Variants in USP31 observed in about 807,000 individuals in gnomAD.
USP31 encodes the protein ubiquitin specific peptidase 31.
A neutral mutation model predicts 119.4 loss-of-function variants in USP31; 44 were observed. The ratio of observed to expected loss-of-function variants is 0.37; its 90% CI spans 0.29 to 0.47. The LOEUF is 0.47. USP31 is among the 20% of genes least tolerant of loss of function. The pLI, the probability that USP31 is intolerant of heterozygous loss-of-function variation, is 0.99. For synonymous variants in USP31, 749 were observed against 705.6 expected (o/e 1.06, Z -0.97); for missense variants, 1,643 against 1,730.2 (o/e 0.95, Z 0.89).
Position 23,090,293 on chromosome 16 carries a change from A to G in USP31, c.1415+331T>C, listed in dbSNP as rs372133786. Among the ~76,000 whole-genome samples, 6 of 152,258 alleles carry G rather than the reference A, an allele frequency of 3.9e-5. 1 individual carries two copies. In the South Asian group the frequency reaches 1.2e-3, roughly 32 times the overall value. On this transcript the variant is annotated intron_variant, in intron 7 of 15. Transcript: ENST00000219689. Reference sequence around the variant, plus strand: ...CCCAGCTACTCGGAAGGCTGAGCCAAGAGAATCGCTTGAACCTGGGAGGCA... The same window carrying G: ...CCCAGCTACTCGGAAGGCTGAGCCAGGAGAATCGCTTGAACCTGGGAGGCA...
At chr16:23,073,618 A>C in intron 14 of USP31, 104 bp downstream of exon 14, 2 of 1,370,532 alleles carry the variant, frequency 1.5e-6, no homozygotes, top group Non-Finnish European at 9.9e-7. Context: ...GATTCATCTG[A>C]TCAAACTGAC....
rs34893925 is a variant in USP31, at chr16:23,119,105, C to CT, written c.634-10923dup. On this transcript the variant is annotated intron_variant, in intron 1 of 15. Transcript: ENST00000219689. ...TCAAAGTTATCACTCTTCTTTTTTT[C>CT]TTTTTTTTTTTTTGAGACAGTCTCG... Among the ~76,000 whole-genome samples the CT allele has an allele frequency of 7.6e-3, 1,088 of 143,856 alleles. 6 individuals carry two copies. Among genetic ancestry groups the CT allele is most frequent in the Middle Eastern group, 0.015 (4 of 272 alleles). The allele number at this position is 143,856 out of a possible 152,430, so 94.4% of individuals were successfully genotyped here.
chr16:23,080,559 T>A (rs1900775804), intron 12 of USP31, among the ~76,000 whole-genome samples: 1 of 152,202 alleles, frequency 6.6e-6, no homozygotes, highest in African/African-American at 2.4e-5. Flanking sequence ...CCACAGCGCC[T>A]GGTGCAGAAG....
intron 1 of USP31, among the ~76,000 whole-genome samples, chr16:23,113,192 C>G (rs1451217366): frequency 6.6e-6 from 1 of 151,980 alleles, no homozygotes; most frequent in African/African-American, 2.4e-5. Context: ...GATAATGAAC[C>G]AGGAATAGAG....
intron 14 of USP31, 45 bp from the exon 15 acceptor site, chr16:23,072,242 G>T: frequency 6.4e-7 from 1 of 1,570,956 alleles, no homozygotes; most frequent in South Asian, 1.1e-5. Flanking sequence ...GGGGTCCCTC[G>T]GCCAGCCCTG....
At chr16:23,074,273 A>G (rs1387859457) in intron 13 of USP31, among the ~76,000 whole-genome samples, 3 of 152,140 alleles carry the variant, frequency 2.0e-5, no homozygotes, top group South Asian at 4.1e-4. Context: ...GCTGCTAAAC[A>G]TTCTATAATG....
At chr16:23,135,447 A>G (rs1199893388) in intron 1 of USP31, among the ~76,000 whole-genome samples, 1 of 152,224 alleles carries the variant, frequency 6.6e-6, no homozygotes, top group Non-Finnish European at 1.5e-5. Context: ...AAACACCTAA[A>G]GATTCCACAC....
At position 23,105,544 on chromosome 16, in the gene USP31, T is replaced by C. The variant is rs1482869294; in HGVS notation, c.986A>G (p.Lys329Arg). The C allele has an allele frequency of 6.2e-6, 10 of 1,614,076 alleles. No homozygotes were observed. In the South Asian group the frequency reaches 1.1e-4, roughly 18 times the overall value. Residue 329 changes from lysine (K) to arginine (R), a missense_variant, in exon 5 of 16, where the codon AAA (lysine) becomes AGA (arginine). Physicochemically the swap from Lys to Arg is conservative, Grantham distance 26. Coordinates refer to ENST00000219689, the MANE Select transcript of USP31 (RefSeq NM_020718.4). ...ACCAATCCTCATGCAGTGAGAACAT[T>C]TGCCTTGATACACTACAGTGACATA... The part of the protein sequence containing the change: ...PLYVTVVYQG[K>R]CSHCMRIGVA...
In USP31 at chr16:23,066,353, CAG is replaced by C. The variant is rs1567221440; in HGVS notation, c.*1691_*1692del. 7 of 152,338 alleles carry C rather than the reference CAG, an allele frequency of 4.6e-5. No individual in the cohort carries two copies. Among genetic ancestry groups the C allele is most frequent in the Non-Finnish European group, 7.4e-5 (5 of 68,008 alleles). The allele number at this position is 152,338 out of a possible 1,614,324, so 9.4% of individuals were successfully genotyped here. A position where few individuals can be genotyped will look rare whatever the true frequency, so the allele number is the denominator to read the frequency against. On this transcript the variant is annotated 3_prime_UTR_variant, in exon 16 of 16. Transcript: ENST00000219689. ...AGTTACCGGCTAATGCGCAAATTAGCAGCAAAATAAAGTTAAGTAACGTACTA... is the reference window on the plus strand; with the variant it reads ...AGTTACCGGCTAATGCGCAAATTAGCCAAAATAAAGTTAAGTAACGTACTA...
chr16:23,106,314 CA>C lies in USP31; in HGVS notation c.861-10del. On this transcript the variant is annotated splice_polypyrimidine_tract_variant and intron_variant, in intron 3 of 15. Transcript: ENST00000219689. Reference sequence around the variant, plus strand: ...GACACGTCAAAGAAGATCTTCAAAACAAAAAGGTAAGACGCTTGACATTAAA... The same window carrying C: ...GACACGTCAAAGAAGATCTTCAAAACAAAAGGTAAGACGCTTGACATTAAA... 5 of 1,613,482 alleles carry C rather than the reference CA, an allele frequency of 3.1e-6. No individual in the cohort carries two copies. The highest frequency in any genetic ancestry group is 2.2e-5 in the East Asian group (1 of 44,872).
Position 23,146,085 on chromosome 16 carries a change from G to A in USP31, c.633+2553C>T, listed in dbSNP as rs557131166. On this transcript the variant is annotated intron_variant, in intron 1 of 15. Coordinates refer to ENST00000219689, the MANE Select transcript of USP31 (RefSeq NM_020718.4). ...GAACACAAACTCATAAAAAGCAATG[G>A]AAATGTTCACATACAAAGATGCTGT... is the stretch of plus-strand genomic sequence containing the variant. 1.8e-3 allele frequency among the ~76,000 whole-genome samples: 270 copies of A among 152,238 alleles called. 2 individuals carry two copies. The highest frequency in any genetic ancestry group is 6.0e-3 in the African/African-American group (249 of 41,548).
intron 6 of USP31, among the ~76,000 whole-genome samples, chr16:23,091,088 G>A (rs1484263459): frequency 1.3e-5 from 2 of 152,160 alleles, no homozygotes; most frequent in Non-Finnish European, 2.9e-5. Flanking sequence ...AAGGGCATGT[G>A]TGCTGAGATG....
At chr16:23,110,763 T>C (rs1902286752) in intron 1 of USP31, among the ~76,000 whole-genome samples, 1 of 152,194 alleles carries the variant, frequency 6.6e-6, no homozygotes, top group Non-Finnish European at 1.5e-5. Flanking sequence ...TGAGAATGCA[T>C]GCCAAACATT....
At chr16:23,109,812 G>C (rs572944940) in intron 1 of USP31, among the ~76,000 whole-genome samples, 1 of 103,992 alleles carries the variant, frequency 9.6e-6, no homozygotes, top group Non-Finnish European at 2.0e-5. Context: ...GAAAACATCA[G>C]ACAAAACCCA....
chr16:23,143,460 TCTCA>T (rs761065267), intron 1 of USP31, among the ~76,000 whole-genome samples: 33 of 152,214 alleles, frequency 2.2e-4, no homozygotes, highest in East Asian at 7.7e-4. Flanking sequence ...ATTTATTTAC[TCTCA>T]CTATTTTACT....
At chr16:23,082,411 G>C (rs1157324920) in intron 12 of USP31, 27 bp downstream of exon 12, 1 of 1,612,194 alleles carries the variant, frequency 6.2e-7, no homozygotes, top group Admixed American at 1.7e-5. Flanking sequence ...CAACTTGTTT[G>C]TTCCTGAGGA....
chr16:23,120,715 C>T (rs1161449856), intron 1 of USP31, among the ~76,000 whole-genome samples: 7 of 152,204 alleles, frequency 4.6e-5, no homozygotes, highest in African/African-American at 9.7e-5. Context: ...TACAGACATA[C>T]GAACTCAGCA....
chr16:23,109,943 T>A (rs1355207331), intron 1 of USP31, among the ~76,000 whole-genome samples: 1 of 151,112 alleles, frequency 6.6e-6, no homozygotes, highest in Non-Finnish European at 1.5e-5. Flanking sequence ...GAGACTAAGA[T>A]GATGTGACGA....
At chr16:23,134,763 G>T (rs182542684) in intron 1 of USP31, among the ~76,000 whole-genome samples, 1 of 150,114 alleles carries the variant, frequency 6.7e-6, no homozygotes, top group East Asian at 1.9e-4. Context: ...AAGCAGTAAG[G>T]GAAAAGGTCA....
Sources: allele counts gnomAD v4.1 joint callset (sites outside exome capture counted in the v4.1 genomes callset), GRCh38; gene constraint gnomAD v4.1.1; transcripts MANE v1.5; gene names NCBI Gene and HGNC (gene_info 2026-07-23, HGNC 2026-07-21).